ZNF775: variants seen among roughly 807,000 people sequenced by gnomAD.
ZNF775 encodes the protein zinc finger protein 775.
A neutral mutation model predicts 2.4 loss-of-function variants in ZNF775; 1 was observed. The ratio of observed to expected loss-of-function variants is 0.41; its 90% CI spans 0.15 to 1.94. ZNF775 has a LOEUF of 1.94. Ranked by LOEUF, ZNF775 falls within the 30% of genes most tolerant of loss-of-function variation. The pLI is 0.30. For synonymous variants in ZNF775, 381 were observed against 373.3 expected, an observed-to-expected ratio of 1.02 and a Z score of -0.24; for missense variants, 823 against 826.6, an observed-to-expected ratio of 1.00 and a Z score of 0.05.
rs1165597911 is a variant in ZNF775 at position 150,382,826 on chromosome 7, A to G, written c.-50+3434A>G. ...CCCGGCCTCCTGGCTCGATGAGGGT[A>G]TGTTGCTTCTGTTTCTACCTCTCTG... On this transcript the variant is annotated intron_variant, in intron 1 of 2. Coordinates refer to ENST00000329630, the MANE Select transcript of ZNF775 (RefSeq NM_173680.4). The surrounding 1 kb of genome is among the most constrained non-coding windows in gnomAD (Gnocchi z 4.6). 6.6e-6 allele frequency: 1 copy of G among 152,330 alleles called. No homozygotes were observed. The highest frequency in any genetic ancestry group is 1.9e-4 in the East Asian group (1 of 5,200). The allele number at this position is 152,330 out of a possible 1,614,324, so 9.4% of individuals were successfully genotyped here.
At chr7:150,385,576 G>T (rs181057462) in intron 1 of ZNF775, among the ~76,000 whole-genome samples, 22 of 152,040 alleles carry the variant, frequency 1.4e-4, no homozygotes, top group Admixed American at 6.6e-5. Flanking sequence ...CTGCAAAGAC[G>T]GAAGCTCTCA....
At position 150,382,530 on chromosome 7, in the gene ZNF775, G is replaced by A. The variant is rs996650104; in HGVS notation, c.-50+3138G>A. 6.6e-6 allele frequency among the ~76,000 whole-genome samples: 1 copy of A among 152,184 alleles called. No homozygotes were observed. The highest frequency in any genetic ancestry group is 1.5e-5 in the Non-Finnish European group (1 of 68,020). On this transcript the variant is annotated intron_variant, in intron 1 of 2. Transcript: ENST00000329630. The surrounding 1 kb of genome is among the most constrained non-coding windows in gnomAD (Gnocchi z 4.6). Reference sequence around the variant, plus strand: ...AGGACATCCCTGCCAGCCTCAGGCAGTGGGCTTCTAGGGGGAGACTAGGGC... The same window carrying A: ...AGGACATCCCTGCCAGCCTCAGGCAATGGGCTTCTAGGGGGAGACTAGGGC...
At chr7:150,381,905 G>A (rs1360406138) in intron 1 of ZNF775, among the ~76,000 whole-genome samples, 1 of 151,954 alleles carries the variant, frequency 6.6e-6, no homozygotes, top group Non-Finnish European at 1.5e-5. Context: ...AGTGGGGGTG[G>A]CCTTGTGCTG....
rs1457108470 is a variant in ZNF775, at chr7:150,397,529, CAGCACCTGCTCA to C, written c.1058_1069del (p.Leu353_Leu356del). 11 of 1,559,936 alleles carry C rather than the reference CAGCACCTGCTCA, an allele frequency of 7.1e-6. No individual in the cohort carries two copies. Among genetic ancestry groups the C allele is most frequent in the Admixed American group, 1.8e-5 (1 of 55,438 alleles). On this transcript the variant is annotated inframe_deletion, in exon 3 of 3. Transcript: ENST00000329630. ...CTGTGGCCGCGGCTTCCGCCAGAAG[CAGCACCTGCTCA>C]AGCACCTGCGCACGCACCTGCCCGG...
chr7:150,381,533 C>G (rs950408769), intron 1 of ZNF775, among the ~76,000 whole-genome samples: 1 of 152,150 alleles, frequency 6.6e-6, no homozygotes, highest in African/African-American at 2.4e-5. Context: ...TCCTCTCACA[C>G]TGTTTGCGTC....
In ZNF775 at chr7:150,397,282, C is replaced by T; in HGVS notation, c.801C>T (p.Ala267=). The T allele has an allele frequency of 1.3e-6, 2 of 1,494,976 alleles. No individual in the cohort carries two copies. Among genetic ancestry groups the T allele is most frequent in the South Asian group, 1.2e-5 (1 of 82,960 alleles). The allele number at this position is 1,494,976 out of a possible 1,614,324, so 92.6% of individuals were successfully genotyped here. Residue 267 remains alanine (A), a synonymous_variant, in exon 3 of 3, where the codon GCC becomes GCT. Coordinates refer to ENST00000329630, the MANE Select transcript of ZNF775 (RefSeq NM_173680.4). Reference sequence around the variant, plus strand: ...GGTGGGGCCAGCCCGGGGCCCGGGCCGCGGTCTCCGGCCCCGAGGGGCCGG... The same window carrying T: ...GGTGGGGCCAGCCCGGGGCCCGGGCTGCGGTCTCCGGCCCCGAGGGGCCGG... The part of the protein sequence containing the change: ...QGWWGQPGAR[A]AVSGPEGPGE...
rs771779856 is a variant in ZNF775 at position 150,393,876 on chromosome 7, G to C, written c.32-2637G>C. On this transcript the variant is annotated intron_variant, in intron 2 of 2. Coordinates refer to ENST00000329630, the MANE Select transcript of ZNF775 (RefSeq NM_173680.4). ...GTAGAGATGGGGTTTCACCATGTTG[G>C]CCAGGCTGGTCTTGAACTCCTAACC... Among the ~76,000 whole-genome samples, 187 of 152,184 alleles carry C rather than the reference G, an allele frequency of 1.2e-3. 2 individuals carry two copies. Among genetic ancestry groups the C allele is most frequent in the Non-Finnish European group, 2.1e-3 (140 of 67,996 alleles).
chr7:150,392,586 T>TCTCTCC (rs1800579008), intron 2 of ZNF775, among the ~76,000 whole-genome samples: 1 of 139,940 alleles, frequency 7.1e-6, no homozygotes, highest in African/African-American at 2.6e-5. Flanking sequence ...TCTCTCTCTC[T>TCTCTCC]GCAGTGGCAT....
chr7:150,392,228 A>G (rs1800571580), intron 2 of ZNF775, among the ~76,000 whole-genome samples: 1 of 152,144 alleles, frequency 6.6e-6, no homozygotes, highest in Admixed American at 6.5e-5. Context: ...AATCTTCACT[A>G]TGAATCTAAC....
chr7:150,389,012 G>T (rs908310981), intron 2 of ZNF775, among the ~76,000 whole-genome samples: 6 of 152,208 alleles, frequency 3.9e-5, no homozygotes, highest in African/African-American at 2.4e-5. Context: ...AAGTTTGCCC[G>T]CACAGTCATG....
chr7:150,387,536 G>A (rs1450634410), intron 1 of ZNF775, among the ~76,000 whole-genome samples: 1 of 151,466 alleles, frequency 6.6e-6, no homozygotes, highest in South Asian at 2.1e-4. Context: ...AAAGAAGGCC[G>A]GGCGCAGTGG....
In ZNF775 at chr7:150,398,243, T is replaced by C; in HGVS notation, c.*148T>C. On this transcript the variant is annotated 3_prime_UTR_variant, in exon 3 of 3. Transcript: ENST00000329630. Reference sequence around the variant, plus strand: ...AAGGCTCTGAAGGGCTGAGAACAGTTCTAGAAGCGTCCCAAAGGGTGCTGG... The same window carrying C: ...AAGGCTCTGAAGGGCTGAGAACAGTCCTAGAAGCGTCCCAAAGGGTGCTGG... 1 of 1,277,646 alleles carries C rather than the reference T, an allele frequency of 7.8e-7. No homozygotes were observed. Among genetic ancestry groups the C allele is most frequent in the Non-Finnish European group, 1.0e-6 (1 of 959,278 alleles). 79.1% of individuals were successfully genotyped at this position (1,277,646 alleles called of 1,614,324 possible).
chr7:150,391,219 TA>T (rs1212394884), intron 2 of ZNF775, among the ~76,000 whole-genome samples: 1 of 152,226 alleles, frequency 6.6e-6, no homozygotes, highest in African/African-American at 2.4e-5. Flanking sequence ...TAAATTAACT[TA>T]AGTACGGCCA....
chr7:150,379,546 GCCCCGAGCCCCGCGCGCC>G (rs1326863863), intron 1 of ZNF775, among the ~76,000 whole-genome samples, 154 bp downstream of exon 1: 4 of 149,000 alleles, frequency 2.7e-5, no homozygotes, highest in Non-Finnish European at 4.4e-5. Flanking sequence ...GGCCTGGGGT[GCCCCGAGCCCCGCGCGCC>G]CCCCGAGCCC....
chr7:150,388,353 G>C, intron 1 of ZNF775, 69 bp from the exon 2 acceptor site: 1 of 1,247,992 alleles, frequency 8.0e-7, no homozygotes, highest in African/African-American at 1.5e-5. Flanking sequence ...TGGGAGGGGG[G>C]CTGGGGACCC....
At position 150,397,208 on chromosome 7, in the gene ZNF775, C is replaced by G. The variant is rs1800681450; in HGVS notation, c.727C>G (p.Pro243Ala). The change falls in exon 3 of 3, where the codon CCG (proline) becomes GCG (alanine). Residue 243 changes from proline to alanine, a missense_variant. Transcript: ENST00000329630. ...CCGGGCCTGTCGCCTGCAGCCGGGG[C>G]CGCCGCGGGGGCGCCCCGAGTGGGC... Reference protein sequence around the residue: ...ARRACRLQPGPPRGRPEWAWL... With the variant: ...ARRACRLQPGAPRGRPEWAWL... 1 of 1,106,940 alleles carries G rather than the reference C, an allele frequency of 9.0e-7. No homozygotes were observed. Among genetic ancestry groups the G allele is most frequent in the Admixed American group, 5.2e-5 (1 of 19,202 alleles). The allele number at this position is 1,106,940 out of a possible 1,614,324, so 68.6% of individuals were successfully genotyped here.
intron 1 of ZNF775, among the ~76,000 whole-genome samples, chr7:150,386,700 C>G (rs1800460403): frequency 6.6e-6 from 1 of 152,152 alleles, no homozygotes; most frequent in African/African-American, 2.4e-5. Flanking sequence ...CATCTTTGCT[C>G]TGCTAGGGGG....
intron 2 of ZNF775, 35 bp from the exon 3 acceptor site, chr7:150,396,478 C>G (rs1321120638): frequency 6.5e-7 from 1 of 1,543,872 alleles, no homozygotes; most frequent in South Asian, 1.2e-5. Context: ...CAGCAGTGAC[C>G]TCTCTCCCTC....
Position 150,397,603 on chromosome 7 carries a change from C to A in ZNF775, c.1122C>A (p.Ser374Arg). The A allele has an allele frequency of 6.9e-7, 1 of 1,442,372 alleles. No individual in the cohort carries two copies. The highest frequency in any genetic ancestry group is 1.5e-5 in the African/African-American group (1 of 65,740). The allele number at this position is 1,442,372 out of a possible 1,614,324, so 89.3% of individuals were successfully genotyped here. Residue 374 changes from serine (S) to arginine (R), a missense_variant, in exon 3 of 3, where the codon AGC becomes AGA. Transcript: ENST00000329630. ...CGCCCTGCCCCAGCTGCGGTAAGAG[C>A]TGCCGCAGCCGCGCCGCGCTGCGCG... ...QAAPCPSCGK[S>R]CRSRAALRAH...
Sources: gnomAD v4.1 joint callset for allele counts (sites outside exome capture counted in the v4.1 genomes callset) on GRCh38, gnomAD v4.1.1 for gene constraint, Gnocchi (gnomAD v3.1) non-coding constraint, MANE v1.5 for transcripts, NCBI Gene and HGNC (gene_info 2026-07-23, HGNC 2026-07-21) for gene names.